CCDC141: variants seen among roughly 807,000 people sequenced by gnomAD.
CCDC141 encodes the protein coiled-coil domain containing 141, also known as coiled-coil domain-containing protein 141.
Under a neutral mutation model 181.0 loss-of-function variants are expected in CCDC141, and 168 were observed. The observed-to-expected ratio is 0.93, with a 90% CI of 0.82 to 1.05. The LOEUF (loss-of-function observed/expected upper bound fraction) is 1.05, where lower values mean the gene tolerates loss of function less well. Ranked by LOEUF, CCDC141 falls within the 50% of genes least tolerant of loss-of-function variation. The pLI is 0.00. For missense variants in CCDC141, 1,902 were observed against 1,788.5 expected (o/e 1.06, Z -1.14); for synonymous variants, 666 against 642.3 (o/e 1.04, Z -0.56).
chr2:179,013,932 G>T (rs1300371942), intron 2 of CCDC141, among the ~76,000 whole-genome samples: 1 of 113,878 alleles, frequency 8.8e-6, no homozygotes, highest in Non-Finnish European at 1.6e-5. Context: ...CTGCACTCCA[G>T]CCTGGGCTAC....
chr2:179,018,305 G>A (rs747711599), intron 2 of CCDC141, among the ~76,000 whole-genome samples: 8 of 152,110 alleles, frequency 5.3e-5, no homozygotes, highest in Non-Finnish European at 1.2e-4. Flanking sequence ...CCTGACACTG[G>A]AGTCTATCTG....
chr2:179,043,827 A>G (rs2043393643), intron 2 of CCDC141, among the ~76,000 whole-genome samples: 1 of 152,210 alleles, frequency 6.6e-6, no homozygotes, highest in South Asian at 2.1e-4. Context: ...CAGGCAAGAG[A>G]AACAAATGAA....
At chr2:178,948,525 C>A (rs888250973) in intron 5 of CCDC141, among the ~76,000 whole-genome samples, 1 of 152,004 alleles carries the variant, frequency 6.6e-6, no homozygotes, top group Non-Finnish European at 1.5e-5. Flanking sequence ...CATTTATGAA[C>A]ATCTAAGTGG....
At chr2:178,962,375 T>G (rs967763099) in intron 4 of CCDC141, among the ~76,000 whole-genome samples, 3 of 152,120 alleles carry the variant, frequency 2.0e-5, no homozygotes, top group Admixed American at 2.0e-4. Context: ...GTCCATGACA[T>G]CCCTCTCCTT....
intron 4 of CCDC141, among the ~76,000 whole-genome samples, chr2:178,970,920 A>T (rs1297265347): frequency 6.6e-6 from 1 of 152,234 alleles, no homozygotes; most frequent in Non-Finnish European, 1.5e-5. Flanking sequence ...ACAAATTTAC[A>T]AGACAAAGGC....
In CCDC141 at chr2:178,834,157, G is replaced by T; in HGVS notation, c.*16C>A. Reference sequence around the variant, plus strand: ...TAGGCACATGAGAATGATGTCCATTGGTGCCAACACCACAGTTATTGTGTG... The same window carrying T: ...TAGGCACATGAGAATGATGTCCATTTGTGCCAACACCACAGTTATTGTGTG... On this transcript the variant is annotated 3_prime_UTR_variant, in exon 24 of 24. Transcript: ENST00000443758. 6.5e-7 allele frequency: 1 copy of T among 1,530,630 alleles called. No homozygotes were observed. Among genetic ancestry groups the T allele is most frequent in the South Asian group, 1.2e-5 (1 of 83,922 alleles). The allele number at this position is 1,530,630 out of a possible 1,614,324, so 94.8% of individuals were successfully genotyped here. A position where few individuals can be genotyped will look rare whatever the true frequency, so the allele number is the denominator to read the frequency against.
chr2:178,995,840 G>C (rs1692263436), intron 2 of CCDC141, among the ~76,000 whole-genome samples: 1 of 152,138 alleles, frequency 6.6e-6, no homozygotes, highest in Non-Finnish European at 1.5e-5. Context: ...CTGGATATTT[G>C]ATTCTTGTGT....
chr2:178,918,586 G>A (rs1688552848), intron 7 of CCDC141, 127 bp downstream of exon 7: 1 of 650,146 alleles, frequency 1.5e-6, no homozygotes, highest in Non-Finnish European at 2.6e-6. Context: ...AGCTCTCTTT[G>A]CTGCTATCAG....
chr2:178,828,578 C>T (rs1684159043), downstream of CCDC141, among the ~76,000 whole-genome samples: 1 of 152,146 alleles, frequency 6.6e-6, no homozygotes, highest in Non-Finnish European at 1.5e-5. Context: ...GCTGACCCTG[C>T]AGGGTTGGCA....
At chr2:178,954,982 C>T (rs558730985) in intron 5 of CCDC141, among the ~76,000 whole-genome samples, 14 of 152,180 alleles carry the variant, frequency 9.2e-5, no homozygotes, top group Non-Finnish European at 1.6e-4. Context: ...CCATCAACAA[C>T]GCTTTAAAAT....
intron 2 of CCDC141, among the ~76,000 whole-genome samples, chr2:179,013,643 G>A (rs2042336441): frequency 6.6e-6 from 1 of 151,992 alleles, no homozygotes; most frequent in Non-Finnish European, 1.5e-5. Context: ...CCAAAAAGGA[G>A]CCCACATAGC....
chr2:178,885,131 G>C, intron 10 of CCDC141, 39 bp from the exon 11 acceptor site: 2 of 1,411,752 alleles, frequency 1.4e-6, no homozygotes. Context: ...AACTGACAGG[G>C]GAATCATGAA....
chr2:178,918,927 T>G lies in CCDC141; in HGVS notation c.898-20A>C. ...CCATTCCTGCAAGAGATTATTCTTA[T>G]TATTTTATACATCTCCTCTGTTATG... On this transcript the variant is annotated intron_variant, in intron 6 of 23. Transcript: ENST00000443758. The G allele has an allele frequency of 7.1e-6, 11 of 1,543,606 alleles. No homozygotes were observed. Among genetic ancestry groups the G allele is most frequent in the Non-Finnish European group, 9.6e-6 (11 of 1,142,338 alleles).
At chr2:178,841,614 T>C (rs1684724626) in intron 22 of CCDC141, among the ~76,000 whole-genome samples, 1 of 152,242 alleles carries the variant, frequency 6.6e-6, no homozygotes, top group Admixed American at 6.5e-5. Flanking sequence ...TAAGTCATTA[T>C]GGAATTTTAT....
At chr2:178,951,164 C>A (rs1355474643) in intron 5 of CCDC141, among the ~76,000 whole-genome samples, 1 of 152,170 alleles carries the variant, frequency 6.6e-6, no homozygotes, top group African/African-American at 2.4e-5. Flanking sequence ...GAAACAGAGC[C>A]CCATCCAGTG....
chr2:179,015,922 A>C (rs1280997373), intron 2 of CCDC141, among the ~76,000 whole-genome samples: 1 of 122,436 alleles, frequency 8.2e-6, no homozygotes, highest in Non-Finnish European at 1.6e-5. Flanking sequence ...TCTCATATAT[A>C]TCATATAATT....
At chr2:178,975,293 T>C in intron 3 of CCDC141, 128 bp from the exon 4 acceptor site, 1 of 536,006 alleles carries the variant, frequency 1.9e-6, no homozygotes, top group Non-Finnish European at 3.4e-6. Flanking sequence ...TGCAAGTGCA[T>C]ATGTTTGTAT....
chr2:178,875,495 C>G (rs59790877), intron 12 of CCDC141: 1 of 151,478 alleles, frequency 6.6e-6, no homozygotes, highest in African/African-American at 2.4e-5. Flanking sequence ...AACCCAGGAG[C>G]TGGAGGTTAA....
At chr2:179,004,727 A>T (rs1215072011) in intron 2 of CCDC141, among the ~76,000 whole-genome samples, 1 of 152,058 alleles carries the variant, frequency 6.6e-6, no homozygotes, top group Admixed American at 6.6e-5. Flanking sequence ...AACATTAAAG[A>T]CTAAATTTTT....
Sources: allele counts gnomAD v4.1 joint callset (sites outside exome capture counted in the v4.1 genomes callset), GRCh38; gene constraint gnomAD v4.1.1; transcripts MANE v1.5; gene names NCBI Gene and HGNC (gene_info 2026-07-23, HGNC 2026-07-21).